Variants in PABPC4L observed in about 807,000 individuals in gnomAD.
PABPC4L encodes polyadenylate-binding protein 4-like.
For synonymous variants in PABPC4L, 169 were observed against 164.1 expected (o/e 1.03, Z -0.23); for missense variants, 452 against 451.4 (o/e 1.00, Z -0.01).
chr4:134,010,056 T>G, the PABPC4L span, among the ~76,000 whole-genome samples: 1 of 152,212 alleles, frequency 6.6e-6, no homozygotes, highest in East Asian at 1.9e-4. Flanking sequence ...TTTGAGTTAC[T>G]TTAATCACTC....
At chr4:134,104,111 T>G in the PABPC4L span, among the ~76,000 whole-genome samples, 1 of 151,902 alleles carries the variant, frequency 6.6e-6, no homozygotes, top group African/African-American at 2.4e-5. Flanking sequence ...TGAATTCTGA[T>G]TCTAGTTACC....
the PABPC4L span, among the ~76,000 whole-genome samples, chr4:134,157,108 C>A: frequency 3.3e-5 from 5 of 151,914 alleles, no homozygotes; most frequent in East Asian, 9.7e-4. Context: ...TCCTGATAAG[C>A]CCCATTTTAA....
At chr4:134,024,483 C>A in the PABPC4L span, among the ~76,000 whole-genome samples, 10 of 152,156 alleles carry the variant, frequency 6.6e-5, no homozygotes, top group African/African-American at 1.9e-4. Flanking sequence ...TTTCACATGG[C>A]CTCTCTTCTG....
At chr4:134,201,509 C>T (rs1443916319) in intron 1 of PABPC4L, among the ~76,000 whole-genome samples, 2 of 152,154 alleles carry the variant, frequency 1.3e-5, no homozygotes, top group Admixed American at 6.5e-5. Flanking sequence ...CCGAACCTGC[C>T]AGGTACCGGG....
chr4:134,021,785 C>T, the PABPC4L span, among the ~76,000 whole-genome samples: 7 of 152,176 alleles, frequency 4.6e-5, no homozygotes, highest in South Asian at 1.5e-3. Flanking sequence ...TTAGATGTTG[C>T]TTCTCAATTT....
At chr4:134,023,233 G>T in the PABPC4L span, among the ~76,000 whole-genome samples, 4 of 152,118 alleles carry the variant, frequency 2.6e-5, no homozygotes, top group African/African-American at 4.8e-5. Context: ...ATGAGGAATG[G>T]CTGCTCTATG....
At chr4:134,076,125 A>G in the PABPC4L span, among the ~76,000 whole-genome samples, 2 of 152,058 alleles carry the variant, frequency 1.3e-5, no homozygotes, top group Admixed American at 1.3e-4. Flanking sequence ...TTTCAGAATG[A>G]CTTCTTGTTG....
At chr4:134,113,086 A>C in the PABPC4L span, among the ~76,000 whole-genome samples, 1 of 152,164 alleles carries the variant, frequency 6.6e-6, no homozygotes. Flanking sequence ...ATATAAAGAA[A>C]GAAATATTTT....
the PABPC4L span, among the ~76,000 whole-genome samples, chr4:134,151,046 C>T: frequency 2.2e-4 from 33 of 152,126 alleles, 1 homozygote; most frequent in East Asian, 4.6e-3. Context: ...TGAATACATA[C>T]TATATAATTC....
the PABPC4L span, among the ~76,000 whole-genome samples, chr4:134,040,186 G>T: frequency 7.2e-6 from 1 of 139,076 alleles, no homozygotes; most frequent in Non-Finnish European, 1.5e-5. Flanking sequence ...AACTACTATT[G>T]ATTTTCATCA....
chr4:133,954,476 G>T, the PABPC4L span, among the ~76,000 whole-genome samples: 1 of 151,952 alleles, frequency 6.6e-6, no homozygotes, highest in Admixed American at 6.6e-5. Flanking sequence ...GGATCTTTGG[G>T]CCAGGTAAAA....
At chr4:133,990,688 A>G in the PABPC4L span, among the ~76,000 whole-genome samples, 1 of 152,194 alleles carries the variant, frequency 6.6e-6, no homozygotes, top group South Asian at 2.1e-4. Flanking sequence ...AGATTTAATG[A>G]CAAAGGCTTG....
At chr4:134,028,549 T>C in the PABPC4L span, among the ~76,000 whole-genome samples, 1 of 152,086 alleles carries the variant, frequency 6.6e-6, no homozygotes, top group African/African-American at 2.4e-5. Context: ...TCAACTTCAC[T>C]GTTAATAGGC....
chr4:134,093,429 A>G, the PABPC4L span, among the ~76,000 whole-genome samples: 1 of 151,774 alleles, frequency 6.6e-6, no homozygotes, highest in Non-Finnish European at 1.5e-5. Context: ...GTTGTTTAAC[A>G]TAATCCATTT....
chr4:134,136,212 C>A, the PABPC4L span, among the ~76,000 whole-genome samples: 1 of 151,952 alleles, frequency 6.6e-6, no homozygotes, highest in Non-Finnish European at 1.5e-5. Flanking sequence ...AGACAATCTC[C>A]CATCCCACCC....
At chr4:134,137,343 C>T in the PABPC4L span, among the ~76,000 whole-genome samples, 1,546 of 151,946 alleles carry the variant, frequency 0.01, 33 homozygotes, top group African/African-American at 0.036. Flanking sequence ...GAGAAGTATA[C>T]TTCTCCTTTA....
chr4:134,030,860 T>C, the PABPC4L span, among the ~76,000 whole-genome samples: 1 of 152,042 alleles, frequency 6.6e-6, no homozygotes, highest in Non-Finnish European at 1.5e-5. Flanking sequence ...TGAATCCAAA[T>C]GTGGGTAAAA....
At chr4:134,180,614 TGATA>T in the PABPC4L span, among the ~76,000 whole-genome samples, 3 of 150,990 alleles carry the variant, frequency 2.0e-5, no homozygotes, top group African/African-American at 7.3e-5. Context: ...AAAATATTAA[TGATA>T]GATAGACCTC....
At chr4:133,948,838 A>G in the PABPC4L span, among the ~76,000 whole-genome samples, 1 of 152,118 alleles carries the variant, frequency 6.6e-6, no homozygotes, top group Non-Finnish European at 1.5e-5. Context: ...TCTGGTCTCA[A>G]TTTTTAAAGT....
Sources: gnomAD v4.1 joint callset for allele counts (sites outside exome capture counted in the v4.1 genomes callset) on GRCh38, gnomAD v4.1.1 for gene constraint, MANE v1.5 for transcripts, NCBI Gene and HGNC (gene_info 2026-07-23, HGNC 2026-07-21) for gene names.